The following BFSP2 variants were observed in gnomAD, a reference collection of about 807,000 sequenced individuals.
BFSP2 encodes beaded filament structural protein 2, also known as phakinin.
A neutral mutation model predicts 44.9 loss-of-function variants in BFSP2; 38 were observed. The observed-to-expected ratio is 0.85, with a 90% CI of 0.65 to 1.11. The LOEUF (loss-of-function observed/expected upper bound fraction) is 1.11. Among genes scored for constraint, BFSP2 ranks in the 50% least tolerant of loss-of-function variants. The probability of loss-of-function intolerance (pLI) is 0.00; values close to 1 mark genes in which losing one functional copy is unlikely to be tolerated. For missense variants in BFSP2, 525 were observed against 533.0 expected, an observed-to-expected ratio of 0.99 and a Z score of 0.15; for synonymous variants, 197 against 209.9, an observed-to-expected ratio of 0.94 and a Z score of 0.53.
At chr3:133,461,979 A>AT (rs1364472908) in intron 4 of BFSP2, among the ~76,000 whole-genome samples, 12 of 152,274 alleles carry the variant, frequency 7.9e-5, no homozygotes, top group Non-Finnish European at 1.3e-4. Context: ...AACTTTATTA[A>AT]TTTTTTAGTT....
chr3:133,469,316 C>A lies in BFSP2; in HGVS notation c.1023+2357C>A, dbSNP rs555023218. Among the ~76,000 whole-genome samples the A allele has an allele frequency of 1.7e-4, 26 of 152,358 alleles. No individual in the cohort carries two copies. The South Asian group carries it at 5.4e-3, about 32-fold the overall frequency. On this transcript the variant is annotated intron_variant, in intron 5 of 6. Coordinates refer to ENST00000302334, the MANE Select transcript of BFSP2 (RefSeq NM_003571.4). ...ATACAGGAAGTTCATCCAGCCATTC[C>A]TGTTATTCTGTCAGAGCGATCTGTG...
intron 1 of BFSP2, among the ~76,000 whole-genome samples, chr3:133,440,049 T>C (rs1436266032): frequency 5.3e-5 from 8 of 151,958 alleles, no homozygotes; most frequent in African/African-American, 1.9e-4. Context: ...AACCCACAGT[T>C]CCCCACGGCT....
chr3:133,453,691 G>C (rs769293117), intron 4 of BFSP2, among the ~76,000 whole-genome samples: 2 of 152,146 alleles, frequency 1.3e-5, no homozygotes, highest in East Asian at 1.9e-4. Flanking sequence ...CCTTCCAAAG[G>C]CTTCAGAGAA....
intron 1 of BFSP2, among the ~76,000 whole-genome samples, chr3:133,403,873 G>T (rs949266281): frequency 3.9e-5 from 6 of 152,136 alleles, no homozygotes; most frequent in Admixed American, 3.9e-4. Context: ...AGGAAGAGGA[G>T]CCAGGAGGAG....
intron 1 of BFSP2, among the ~76,000 whole-genome samples, chr3:133,403,292 C>T (rs946553043): frequency 1.3e-5 from 2 of 152,182 alleles, no homozygotes; most frequent in African/African-American, 4.8e-5. Context: ...AGACTCTGGG[C>T]TCTGGTGTTC....
intron 1 of BFSP2, among the ~76,000 whole-genome samples, chr3:133,425,042 C>G (rs962195808): frequency 6.6e-6 from 1 of 152,180 alleles, no homozygotes; most frequent in Admixed American, 6.5e-5. Flanking sequence ...TAACTACTGT[C>G]ACGTGTAAAT....
At chr3:133,402,874 C>T (rs911890863) in intron 1 of BFSP2, among the ~76,000 whole-genome samples, 10 of 152,004 alleles carry the variant, frequency 6.6e-5, no homozygotes, top group Admixed American at 5.9e-4. Flanking sequence ...ATCTCCTGAC[C>T]TCAGGTGATC....
At chr3:133,443,898 C>T (rs983497982) in intron 1 of BFSP2, among the ~76,000 whole-genome samples, 12 of 152,184 alleles carry the variant, frequency 7.9e-5, no homozygotes, top group African/African-American at 2.9e-4. Context: ...TTTTTTAAAA[C>T]GCTGCTTGTA....
intron 1 of BFSP2, among the ~76,000 whole-genome samples, chr3:133,440,645 G>A (rs1441474527): frequency 3.3e-5 from 5 of 152,076 alleles, no homozygotes; most frequent in African/African-American, 9.7e-5. Flanking sequence ...GAACTTGGGG[G>A]GACAGAGAGG....
At chr3:133,432,006 C>T (rs374516787) in intron 1 of BFSP2, among the ~76,000 whole-genome samples, 5 of 151,898 alleles carry the variant, frequency 3.3e-5, no homozygotes, top group African/African-American at 1.2e-4. Flanking sequence ...CCCACCTTAA[C>T]CCACAAGTAT....
chr3:133,405,768 G>A (rs1421355437), intron 1 of BFSP2, among the ~76,000 whole-genome samples: 5 of 152,174 alleles, frequency 3.3e-5, no homozygotes, highest in Non-Finnish European at 7.3e-5. Context: ...AGCTATAAGG[G>A]ACACTACAGT....
chr3:133,466,467 G>A (rs577160448), intron 4 of BFSP2, among the ~76,000 whole-genome samples: 1 of 151,742 alleles, frequency 6.6e-6, no homozygotes, highest in Non-Finnish European at 1.5e-5. Flanking sequence ...ATTACCTGAG[G>A]TCAGGAGTTC....
chr3:133,450,460 C>A lies in BFSP2; in HGVS notation c.887C>A (p.Ala296Asp). 2.5e-6 allele frequency: 4 copies of A among 1,614,004 alleles called. No individual in the cohort carries two copies. The highest frequency in any genetic ancestry group is 3.4e-6 in the Non-Finnish European group (4 of 1,180,004). ...NRVEAGALLQ[A>D]KQQAEVAHMS... ...GTGGAGGCAGGAGCCCTGCTCCAAG[C>A]TAAGGTGAGAGGCAGGACCAGCATC... The change falls in exon 4 of 7, where the codon GCT becomes GAT. Residue 296 changes from alanine (A) to aspartate (D), a missense_variant. Physicochemically the swap from Ala to Asp is moderately radical, Grantham distance 126. Transcript: ENST00000302334.
At chr3:133,409,240 G>GTGTGTGTC (rs1406755909) in intron 1 of BFSP2, among the ~76,000 whole-genome samples, 1 of 151,848 alleles carries the variant, frequency 6.6e-6, no homozygotes, top group Non-Finnish European at 1.5e-5. Context: ...GTGTGTGTGT[G>GTGTGTGTC]TGTGTGTGTG....
intron 1 of BFSP2, among the ~76,000 whole-genome samples, chr3:133,403,070 G>A (rs770506182): frequency 6.6e-6 from 1 of 152,098 alleles, no homozygotes; most frequent in African/African-American, 2.4e-5. Context: ...ATCTGGCCTC[G>A]TGGAGCTGCA....
intron 1 of BFSP2, among the ~76,000 whole-genome samples, chr3:133,439,094 T>C (rs932277390): frequency 1.3e-5 from 2 of 152,246 alleles, no homozygotes; most frequent in African/African-American, 4.8e-5. Flanking sequence ...TGTGACCACT[T>C]ACTTCAGATG....
At chr3:133,458,031 G>T (rs1328121332) in intron 4 of BFSP2, among the ~76,000 whole-genome samples, 3 of 152,190 alleles carry the variant, frequency 2.0e-5, no homozygotes, top group East Asian at 3.8e-4. Flanking sequence ...GGCCCCAAAA[G>T]TGTGTGCACT....
intron 1 of BFSP2, among the ~76,000 whole-genome samples, chr3:133,403,998 GA>G (rs5852750): frequency 0.66 from 99,910 of 151,868 alleles, 33,544 homozygotes; most frequent in Non-Finnish European, 0.73. Context: ...GGGGAGGGGG[GA>G]ATCTTCCTCA....
chr3:133,446,585 T>TATATATATATAA (rs2073900946), intron 1 of BFSP2, among the ~76,000 whole-genome samples: 1 of 10,102 alleles, frequency 9.9e-5, no homozygotes, highest in African/African-American at 2.7e-4. Flanking sequence ...TATATATATA[T>TATATATATATAA]ATATATATAT....
Sources: gnomAD v4.1 joint callset for allele counts (sites outside exome capture counted in the v4.1 genomes callset) on GRCh38, gnomAD v4.1.1 for gene constraint, MANE v1.5 for transcripts, NCBI Gene and HGNC (gene_info 2026-07-23, HGNC 2026-07-21) for gene names.